MOCOS: variants seen among roughly 807,000 people sequenced by gnomAD.
MOCOS encodes the protein molybdenum cofactor sulfurase.
MOCOS carries 86 observed loss-of-function variants against 83.6 expected under a neutral mutation model. That is an observed-to-expected ratio of 1.03 (90% confidence interval 0.86 to 1.23). The LOEUF (loss-of-function observed/expected upper bound fraction) is 1.23, where lower values mean the gene tolerates loss of function less well. Ranked by LOEUF, MOCOS falls within the 50% of genes most tolerant of loss-of-function variation. The pLI, the probability that MOCOS is intolerant of heterozygous loss-of-function variation, is 0.00. For missense variants in MOCOS, 1,120 were observed against 1,126.9 expected (o/e 0.99, Z 0.09); for synonymous variants, 445 against 434.7 (o/e 1.02, Z -0.29).
At chr18:36,198,102 C>T (rs1397765492) in intron 2 of MOCOS, among the ~76,000 whole-genome samples, 1 of 152,014 alleles carries the variant, frequency 6.6e-6, no homozygotes, top group Non-Finnish European at 1.5e-5. Context: ...CAAATAACTT[C>T]CCTGGCTGGG....
At chr18:36,218,922 G>A (rs1382043301) in intron 8 of MOCOS, among the ~76,000 whole-genome samples, 4 of 150,734 alleles carry the variant, frequency 2.7e-5, no homozygotes, top group Non-Finnish European at 5.9e-5. Flanking sequence ...AGACTGGAGT[G>A]CAATGGCACG....
rs1438963668 is a variant in MOCOS at position 36,270,281 on chromosome 18, AT to A, written c.*1599del. 6.6e-6 allele frequency: 1 copy of A among 152,178 alleles called. No individual in the cohort carries two copies. Among genetic ancestry groups the A allele is most frequent in the Non-Finnish European group, 1.5e-5 (1 of 68,052 alleles). The allele number at this position is 152,178 out of a possible 1,614,324, so 9.4% of individuals were successfully genotyped here. On this transcript the variant is annotated 3_prime_UTR_variant, in exon 15 of 15. Coordinates refer to ENST00000261326, the MANE Select transcript of MOCOS (RefSeq NM_017947.4). The stretch of plus-strand genomic sequence containing the variant: ...GGAGAACAATGCCCTAAAGTAATGG[AT>A]TTATCCACCTACTCAGGCCAGTTTC...
At chr18:36,251,102 T>A (rs1251789119) in intron 10 of MOCOS, 57 bp from the exon 11 acceptor site, 8 of 1,567,488 alleles carry the variant, frequency 5.1e-6, no homozygotes, top group Middle Eastern at 3.9e-4. Flanking sequence ...GCAATTCAGA[T>A]TATTATTTAA....
At chr18:36,193,078 G>A (rs1212070445) in intron 1 of MOCOS, among the ~76,000 whole-genome samples, 6 of 151,490 alleles carry the variant, frequency 4.0e-5, no homozygotes, top group Non-Finnish European at 8.8e-5. Context: ...TTGGGAGGCT[G>A]AGGCGGGTGG....
chr18:36,251,838 G>T (rs2144141269), intron 11 of MOCOS, among the ~76,000 whole-genome samples: 1 of 152,168 alleles, frequency 6.6e-6, no homozygotes, highest in East Asian at 1.9e-4. Flanking sequence ...GTGCAGAAAA[G>T]ATCATTTTCA....
intron 4 of MOCOS, among the ~76,000 whole-genome samples, chr18:36,201,519 G>A (rs1270530091): frequency 6.6e-6 from 1 of 151,898 alleles, no homozygotes; most frequent in African/African-American, 2.4e-5. Flanking sequence ...AAAATTAGCT[G>A]AGTGTGGTGG....
At chr18:36,255,886 T>G (rs982326117) in intron 11 of MOCOS, among the ~76,000 whole-genome samples, 1 of 27,460 alleles carries the variant, frequency 3.6e-5, no homozygotes. Flanking sequence ...TTTTAGTAGT[T>G]TTTTTTTTTT....
intron 1 of MOCOS, among the ~76,000 whole-genome samples, chr18:36,193,437 A>G (rs542176618): frequency 2.0e-5 from 3 of 151,720 alleles, no homozygotes; most frequent in South Asian, 2.1e-4. Flanking sequence ...TAATAAACCC[A>G]TATGTCTATG....
At chr18:36,222,293 T>A (rs2091499193) in intron 9 of MOCOS, among the ~76,000 whole-genome samples, 1 of 152,216 alleles carries the variant, frequency 6.6e-6, no homozygotes, top group African/African-American at 2.4e-5. Context: ...TTTTTAATTT[T>A]CTAAGAAATC....
At chr18:36,208,152 A>G (rs2091441381) in intron 6 of MOCOS, among the ~76,000 whole-genome samples, 1 of 152,050 alleles carries the variant, frequency 6.6e-6, no homozygotes, top group Admixed American at 6.6e-5. Flanking sequence ...CGTTGAATTT[A>G]TGTGTCTGTT....
chr18:36,191,089 GTC>G (rs200972423), intron 1 of MOCOS, among the ~76,000 whole-genome samples: 2 of 149,030 alleles, frequency 1.3e-5, no homozygotes, highest in Non-Finnish European at 3.0e-5. Context: ...CTCTCTCTCT[GTC>G]TCTCTCTGTC....
intron 9 of MOCOS, among the ~76,000 whole-genome samples, chr18:36,233,126 C>T (rs904776374): frequency 2.0e-5 from 3 of 152,012 alleles, no homozygotes; most frequent in Non-Finnish European, 2.9e-5. Flanking sequence ...ACTCATCACC[C>T]GAGCAGTGTA....
At chr18:36,195,717 A>G (rs961937526) in intron 2 of MOCOS, among the ~76,000 whole-genome samples, 2 of 152,238 alleles carry the variant, frequency 1.3e-5, no homozygotes, top group Admixed American at 6.5e-5. Context: ...TTGAGCCACT[A>G]TGATGTGTGG....
intron 9 of MOCOS, among the ~76,000 whole-genome samples, chr18:36,221,016 C>T (rs1482651656): frequency 1.3e-5 from 2 of 151,646 alleles, no homozygotes; most frequent in African/African-American, 2.4e-5. Flanking sequence ...CACTCATCAT[C>T]ATGTATACTG....
At chr18:36,198,308 G>A (rs2091397979) in intron 2 of MOCOS, among the ~76,000 whole-genome samples, 1 of 152,204 alleles carries the variant, frequency 6.6e-6, no homozygotes, top group Non-Finnish European at 1.5e-5. Context: ...AGGATCGCTT[G>A]AGCCCAGGAG....
rs796202188 is a variant in MOCOS at position 36,251,427 on chromosome 18, C to T, written c.2164+144C>T. The T allele has an allele frequency of 4.7e-5, 53 of 1,137,442 alleles. 1 individual carries two copies. In the African/African-American group the frequency reaches 8.0e-4, roughly 17 times the overall value. The allele number at this position is 1,137,442 out of a possible 1,614,324, so 70.5% of individuals were successfully genotyped here. The stretch of plus-strand genomic sequence containing the variant: ...ATCAGCCTTTAGCAGAAACCTACTG[C>T]AGTAGCCCCAGGTCAGCAGGCGAAA... On this transcript the variant is annotated intron_variant, in intron 11 of 14. Coordinates refer to ENST00000261326, the MANE Select transcript of MOCOS (RefSeq NM_017947.4).
chr18:36,221,194 G>A (rs552761904), intron 9 of MOCOS, among the ~76,000 whole-genome samples: 1 of 152,274 alleles, frequency 6.6e-6, no homozygotes, highest in East Asian at 1.9e-4. Context: ...CTATTGAAAT[G>A]TGGCTAGTGG....
At chr18:36,251,398 G>A in intron 11 of MOCOS, 115 bp downstream of exon 11, 5 of 1,394,332 alleles carry the variant, frequency 3.6e-6, no homozygotes, top group South Asian at 1.2e-5. Flanking sequence ...GGAAAGCAGG[G>A]GTCATCAGCC....
chr18:36,213,277 G>C, intron 6 of MOCOS, 89 bp from the exon 7 acceptor site: 1 of 972,236 alleles, frequency 1.0e-6, no homozygotes, highest in Non-Finnish European at 1.7e-6. Flanking sequence ...TTTATTATTA[G>C]GAAAGAGAGG....
Sources: allele counts gnomAD v4.1 joint callset (sites outside exome capture counted in the v4.1 genomes callset), GRCh38; gene constraint gnomAD v4.1.1; transcripts MANE v1.5; gene names NCBI Gene and HGNC (gene_info 2026-07-23, HGNC 2026-07-21).